Variants in ADAM19 observed in about 807,000 individuals in gnomAD.
The protein encoded by ADAM19 is disintegrin and metalloproteinase domain-containing protein 19.
In ADAM19, 65 loss-of-function variants were observed where a neutral mutation model predicts 114.7. That is an observed-to-expected ratio of 0.57 (90% CI 0.46 to 0.70). The LOEUF (loss-of-function observed/expected upper bound fraction) is 0.70. Among genes scored for constraint, ADAM19 ranks in the 30% least tolerant of loss-of-function variants. ADAM19 has a pLI of 0.00. For missense variants in ADAM19, 1,063 were observed against 1,204.7 expected, an observed-to-expected ratio of 0.88 and a Z score of 1.74; for synonymous variants, 466 against 460.5, an observed-to-expected ratio of 1.01 and a Z score of -0.15.
intron 18 of ADAM19, among the ~76,000 whole-genome samples, chr5:157,491,270 G>A (rs185167667): frequency 6.6e-6 from 1 of 152,206 alleles, no homozygotes; most frequent in African/African-American, 2.4e-5. Context: ...ACCATAATGT[G>A]TCCCAGGTTC....
At chr5:157,536,197 C>T (rs1756759253) in intron 4 of ADAM19, among the ~76,000 whole-genome samples, 1 of 152,196 alleles carries the variant, frequency 6.6e-6, no homozygotes, top group Non-Finnish European at 1.5e-5. Context: ...CGCCACGTCT[C>T]TTGGATCTAT....
chr5:157,529,197 A>G (rs1010876197), intron 5 of ADAM19, among the ~76,000 whole-genome samples: 2 of 152,176 alleles, frequency 1.3e-5, no homozygotes, highest in Non-Finnish European at 2.9e-5. Context: ...GAGCCTGTGT[A>G]TTCTGGGAAA....
Position 157,519,839 on chromosome 5 carries a change from C to A in ADAM19, c.600G>T (p.Arg200Ser). The A allele has an allele frequency of 1.2e-6, 2 of 1,607,296 alleles. No homozygotes were observed. The highest frequency in any genetic ancestry group is 1.7e-6 in the Non-Finnish European group (2 of 1,175,610). Residue 200 changes from arginine (R) to serine (S), a missense_variant and splice_region_variant, in exon 6 of 23, where the codon AGG becomes AGT. This residue lies in a region of ADAM19 where 615 missense variants were observed against 706.3 expected (regional missense o/e 0.87). Transcript: ENST00000257527. Reference sequence around the variant, plus strand: ...CTGCACTGAGAGCCTCAAAACTCACCCTGCGAGGTCGCTTCTTGGTCTGTT... The same window carrying A: ...CTGCACTGAGAGCCTCAAAACTCACACTGCGAGGTCGCTTCTTGGTCTGTT... ...FTQQTKKRPR[R>S]MKREDLNSMK...
intron 13 of ADAM19, among the ~76,000 whole-genome samples, chr5:157,497,521 G>A (rs950828721): frequency 6.6e-6 from 1 of 151,736 alleles, no homozygotes; most frequent in African/African-American, 2.4e-5. Flanking sequence ...GAGGTTAGAC[G>A]ATGCATCCAA....
rs1366173313 is a variant in ADAM19 at position 157,478,816 on chromosome 5, G to A, written c.*2133C>T. 6.1e-6 allele frequency: 6 copies of A among 985,886 alleles called. No individual in the cohort carries two copies. Among genetic ancestry groups the A allele is most frequent in the East Asian group, 1.1e-4 (1 of 8,816 alleles). The allele number at this position is 985,886 out of a possible 1,614,324, so 61.1% of individuals were successfully genotyped here. A position where few individuals can be genotyped will look rare whatever the true frequency, so the allele number is the denominator to read the frequency against. On this transcript the variant is annotated 3_prime_UTR_variant, in exon 23 of 23. Coordinates refer to ENST00000257527, the MANE Select transcript of ADAM19 (RefSeq NM_033274.5). ...ACGACAACCCAGGTCTCTTTCTGGT[G>A]TGGTTCCAGGGAGGGTGGACTGCAG...
Position 157,480,968 on chromosome 5 carries a change from A to G in ADAM19, c.2738T>C (p.Met913Thr), listed in dbSNP as rs150644318. The change falls in exon 23 of 23, where the codon ATG becomes ACG. Residue 913 changes from methionine (M) to threonine (T), a missense_variant. Around this residue, in one of 3 missense-constraint regions of ADAM19, gnomAD observed 424 missense variants for 445.5 expected, o/e 0.95. Transcript: ENST00000257527. ...PEYRSQRAGG[M>T]ISSKI is the part of the protein sequence containing the mutation. Reference sequence around the variant, plus strand: ...ACAGGTCTAGATTTTCGAGCTAATCATCCCTCCAGCCCTCTGTGATCTGTA... The same window carrying G: ...ACAGGTCTAGATTTTCGAGCTAATCGTCCCTCCAGCCCTCTGTGATCTGTA... 2.2e-5 allele frequency: 36 copies of G among 1,614,040 alleles called. No homozygotes were observed. The African/African-American group carries it at 4.4e-4, about 20-fold the overall frequency.
At chr5:157,558,482 T>C (rs949816543) in intron 3 of ADAM19, among the ~76,000 whole-genome samples, 4 of 152,238 alleles carry the variant, frequency 2.6e-5, no homozygotes, top group African/African-American at 7.2e-5. Flanking sequence ...TGTCTATGAC[T>C]CATTTAAATG....
intron 2 of ADAM19, 105 bp from the exon 3 acceptor site, chr5:157,564,548 T>A: frequency 1.0e-6 from 1 of 960,824 alleles, no homozygotes; most frequent in Non-Finnish European, 1.7e-6. Context: ...CCACAGGAAG[T>A]GAATGAGCAA....
chr5:157,493,074 T>C lies in ADAM19; in HGVS notation c.1807A>G (p.Ile603Val), dbSNP rs754020073. Residue 603 changes from isoleucine (I) to valine (V), a missense_variant, in exon 16 of 23, where the codon ATC (isoleucine) becomes GTC (valine). Transcript: ENST00000257527. ...TAGACGTGGGTGCCCCGGCACTGGA[T>C]CTGCCTCCCATTCATGATGATAGTG... The part of the protein sequence containing the change: ...DTTIIMNGRQ[I>V]QCRGTHVYRG... The C allele has an allele frequency of 3.1e-6, 5 of 1,614,234 alleles. No individual in the cohort carries two copies. The highest frequency in any genetic ancestry group is 4.2e-6 in the Non-Finnish European group (5 of 1,180,042).
chr5:157,516,653 C>A (rs1756098072), intron 7 of ADAM19, among the ~76,000 whole-genome samples: 1 of 152,134 alleles, frequency 6.6e-6, no homozygotes. Flanking sequence ...TTCCATGTAA[C>A]CAAAGGATTC....
chr5:157,497,848 T>C (rs1253038020), intron 13 of ADAM19, among the ~76,000 whole-genome samples: 1 of 152,170 alleles, frequency 6.6e-6, no homozygotes, highest in African/African-American at 2.4e-5. Context: ...TAATACTCTT[T>C]CCATTTTACA....
intron 12 of ADAM19, among the ~76,000 whole-genome samples, chr5:157,501,348 A>G (rs1384063716): frequency 2.0e-5 from 3 of 152,148 alleles, no homozygotes. Context: ...CTCACATTAT[A>G]TATGTTCAGA....
intron 3 of ADAM19, among the ~76,000 whole-genome samples, chr5:157,546,837 A>G (rs914178016): frequency 6.6e-6 from 1 of 152,200 alleles, no homozygotes; most frequent in African/African-American, 2.4e-5. Flanking sequence ...GAAGTCATAA[A>G]GACCCCATTT....
intron 8 of ADAM19, among the ~76,000 whole-genome samples, chr5:157,511,182 G>T (rs1755909297): frequency 6.6e-6 from 1 of 152,208 alleles, no homozygotes; most frequent in South Asian, 2.1e-4. Context: ...CAAATACTGA[G>T]CCAGTGACTT....
intron 5 of ADAM19, among the ~76,000 whole-genome samples, chr5:157,526,922 A>G (rs747339817): frequency 1.3e-5 from 2 of 151,760 alleles, no homozygotes; most frequent in African/African-American, 2.4e-5. Flanking sequence ...CGCCTGGCCT[A>G]TTGGTGTCAT....
chr5:157,479,624 G>C lies in ADAM19; in HGVS notation c.*1325C>G. On this transcript the variant is annotated 3_prime_UTR_variant, in exon 23 of 23. Coordinates refer to ENST00000257527, the MANE Select transcript of ADAM19 (RefSeq NM_033274.5). ...CTCACCTGCTCAGAGCTCTCTTTCT[G>C]TGAGGGTCAGGTAAGGGCAGTGACC... 1.0e-6 allele frequency: 1 copy of C among 985,904 alleles called. No individual in the cohort carries two copies. The highest frequency in any genetic ancestry group is 1.2e-6 in the Non-Finnish European group (1 of 830,010). The allele number at this position is 985,904 out of a possible 1,614,324, so 61.1% of individuals were successfully genotyped here. A position where few individuals can be genotyped will look rare whatever the true frequency, so the allele number is the denominator to read the frequency against.
At position 157,500,603 on chromosome 5, in the gene ADAM19, T is replaced by C. The variant is rs142509091; in HGVS notation, c.1309-941A>G. On this transcript the variant is annotated intron_variant, in intron 12 of 22. Transcript: ENST00000257527. ...TTATCTCATGAAAAGGGGCTGCCGG[T>C]GCAAGAGTCTGCTGGAACAACCTCT... Among the ~76,000 whole-genome samples, 1,019 of 152,270 alleles carry C rather than the reference T, an allele frequency of 6.7e-3. 13 individuals carry two copies. The highest frequency in any genetic ancestry group is 0.023 in the African/African-American group (973 of 41,544).
At chr5:157,550,526 C>T (rs2113777805) in intron 3 of ADAM19, among the ~76,000 whole-genome samples, 1 of 152,268 alleles carries the variant, frequency 6.6e-6, no homozygotes. Flanking sequence ...CAACTCATAA[C>T]ACTGCTGATG....
At chr5:157,552,187 T>A (rs1757218460) in intron 3 of ADAM19, among the ~76,000 whole-genome samples, 1 of 151,758 alleles carries the variant, frequency 6.6e-6, no homozygotes, top group South Asian at 2.1e-4. Flanking sequence ...AAAACCGCAA[T>A]GAGATATCAT....
Sources: gnomAD v4.1 joint callset for allele counts (sites outside exome capture counted in the v4.1 genomes callset) on GRCh38, gnomAD v4.1.1 for gene constraint, gnomAD v4.1.1 regional missense constraint, MANE v1.5 for transcripts, NCBI Gene and HGNC (gene_info 2026-07-23, HGNC 2026-07-21) for gene names.